The following NKTR variants were observed in gnomAD, a reference collection of about 807,000 sequenced individuals.
NKTR encodes NK-tumor recognition protein.
A neutral mutation model predicts 156.3 loss-of-function variants in NKTR; 67 were observed. That is an observed-to-expected ratio of 0.43 (90% CI 0.35 to 0.53). The LOEUF (loss-of-function observed/expected upper bound fraction) is 0.53. Among genes scored for constraint, NKTR ranks in the 20% least tolerant of loss-of-function variants. NKTR has a pLI of 0.01. For synonymous variants in NKTR, 640 were observed against 596.6 expected, an observed-to-expected ratio of 1.07 and a Z score of -1.06; for missense variants, 1,604 against 1,730.9, an observed-to-expected ratio of 0.93 and a Z score of 1.30.
chr3:42,612,410 A>G (rs913845775), intron 2 of NKTR: 1 of 152,124 alleles, frequency 6.6e-6, no homozygotes, highest in East Asian at 1.9e-4. Flanking sequence ...CATAAAAAAA[A>G]TTTTGCCATT....
At chr3:42,611,233 A>G (rs532618617) in intron 2 of NKTR, 1 of 152,110 alleles carries the variant, frequency 6.6e-6, no homozygotes, top group African/African-American at 2.4e-5. Flanking sequence ...TGCTTGTACT[A>G]TCTGCAGGAA....
intron 16 of NKTR, 132 bp downstream of exon 16, chr3:42,644,135 A>G (rs1710157352): frequency 1.7e-6 from 1 of 580,388 alleles, no homozygotes; most frequent in Non-Finnish European, 3.0e-6. Context: ...TTCTTCCTTT[A>G]AATCTGAACA....
At chr3:42,641,739 G>A (rs766695202) in intron 13 of NKTR, among the ~76,000 whole-genome samples, 9 of 151,990 alleles carry the variant, frequency 5.9e-5, no homozygotes, top group Non-Finnish European at 7.4e-5. Context: ...TTAGCCGGGC[G>A]TGGTAGTGCG....
intron 5 of NKTR, chr3:42,620,020 T>C (rs1707756556): frequency 6.5e-7 from 1 of 1,534,282 alleles, no homozygotes; most frequent in Non-Finnish European, 8.7e-7. Flanking sequence ...TTATAGAGAA[T>C]GTGGTCTTTT....
Position 42,635,248 on chromosome 3 carries a change from T to C in NKTR, c.1045T>C (p.Ser349Pro), listed in dbSNP as rs768796221. The change falls in exon 12 of 17, where the codon TCC becomes CCC. Residue 349 changes from serine to proline, a missense_variant. This residue lies in a region of NKTR where 1,255 missense variants were observed against 1,243.7 expected (regional missense o/e 1.01). Coordinates refer to ENST00000232978, the MANE Select transcript of NKTR (RefSeq NM_005385.4). ...IRYHTPPRSR[S>P]CSESDDDDSS... ...CTATCACACACCTCCAAGATCAAGATCCTGTTCTGAGTCAGATGATGATGA... is the reference window on the plus strand; with the variant it reads ...CTATCACACACCTCCAAGATCAAGACCCTGTTCTGAGTCAGATGATGATGA... The C allele has an allele frequency of 6.2e-7, 1 of 1,613,612 alleles. No homozygotes were observed. Among genetic ancestry groups the C allele is most frequent in the Non-Finnish European group, 8.5e-7 (1 of 1,179,824 alleles).
chr3:42,619,084 T>C lies in NKTR; in HGVS notation c.198T>C (p.Arg66=). 6.2e-7 allele frequency: 1 copy of C among 1,610,674 alleles called. No homozygotes were observed. The highest frequency in any genetic ancestry group is 8.5e-7 in the Non-Finnish European group (1 of 1,178,560). The change falls in exon 4 of 17, where the codon CGT becomes CGC. Residue 66 remains arginine (R), a synonymous_variant. Coordinates refer to ENST00000232978, the MANE Select transcript of NKTR (RefSeq NM_005385.4). ...KLCYKGSTFH[R]VVKNFMIQGG... is the part of the protein sequence containing the mutation. ...GTTATAAAGGTTCTACGTTCCATCG[T>C]GTGGTTAAAAACTTTATGATTCAGG...
intron 5 of NKTR, 67 bp downstream of exon 5, chr3:42,619,775 TTTAATGAGA>T: frequency 6.3e-7 from 1 of 1,588,590 alleles, no homozygotes. Flanking sequence ...ATCATATACT[TTTAATGAGA>T]AGAGGTTTAC....
chr3:42,641,218 G>A (rs184394306), intron 13 of NKTR, among the ~76,000 whole-genome samples: 30 of 152,296 alleles, frequency 2.0e-4, no homozygotes, highest in Non-Finnish European at 4.3e-4. Context: ...GTTACTCATC[G>A]TTCAGTCACC....
In NKTR at chr3:42,637,100, G is replaced by A. The variant is rs1205752556; in HGVS notation, c.1396G>A (p.Glu466Lys). Residue 466 changes from glutamate (E) to lysine (K), a missense_variant, in exon 13 of 17, where the codon GAA (glutamate) becomes AAA (lysine). Physicochemically the swap from Glu to Lys is moderately conservative, Grantham distance 56 (BLOSUM62 1). Around this residue, in one of 6 missense-constraint regions of NKTR, gnomAD observed 1,255 missense variants for 1,243.7 expected, o/e 1.01. Coordinates refer to ENST00000232978, the MANE Select transcript of NKTR (RefSeq NM_005385.4). ...KRRILIPSDIESSKSSTRRMK... is the reference protein window; with the variant it reads ...KRRILIPSDIKSSKSSTRRMK... ...AAGGATTCTTATACCGTCTGACATA[G>A]AATCCTCAAAATCTTCCACTCGAAG... 3 of 1,607,476 alleles carry A rather than the reference G, an allele frequency of 1.9e-6. No homozygotes were observed. The highest frequency in any genetic ancestry group is 2.5e-6 in the Non-Finnish European group (3 of 1,178,148).
intron 3 of NKTR, among the ~76,000 whole-genome samples, chr3:42,618,736 G>A (rs532581788): frequency 2.5e-4 from 38 of 152,218 alleles, no homozygotes; most frequent in African/African-American, 8.9e-4. Context: ...GTGCCATTGC[G>A]CCTGACCTCA....
At chr3:42,613,246 T>C (rs572522586) in intron 2 of NKTR, among the ~76,000 whole-genome samples, 1 of 152,292 alleles carries the variant, frequency 6.6e-6, no homozygotes, top group African/African-American at 2.4e-5. Context: ...TTCTTGAAAC[T>C]TAGGCACTAC....
In NKTR at chr3:42,637,259, T is replaced by C. The variant is rs748630062; in HGVS notation, c.1555T>C (p.Tyr519His). The change falls in exon 13 of 17, where the codon TAC (tyrosine) becomes CAC (histidine). Residue 519 changes from tyrosine (Y) to histidine (H), a missense_variant. By Grantham distance (83) the Tyr-to-His change is moderately conservative. Around this residue, in one of 6 missense-constraint regions of NKTR, gnomAD observed 1,255 missense variants for 1,243.7 expected, o/e 1.01. Coordinates refer to ENST00000232978, the MANE Select transcript of NKTR (RefSeq NM_005385.4). ...SSLTHSSRDS[Y>H]RSKSHSQSYS... ...TTTAACCCATTCCAGCAGAGACTCA[T>C]ACAGATCAAAATCTCACTCACAGTC... The C allele has an allele frequency of 1.9e-6, 3 of 1,613,680 alleles. No individual in the cohort carries two copies. Among genetic ancestry groups the C allele is most frequent in the Non-Finnish European group, 2.5e-6 (3 of 1,179,910 alleles).
At chr3:42,642,470 T>TTA in intron 13 of NKTR, 31 bp from the exon 14 acceptor site, 3 of 1,490,760 alleles carry the variant, frequency 2.0e-6, no homozygotes, top group Non-Finnish European at 2.8e-6. Context: ...GTCAACATAA[T>TTA]TATATATTTT....
intron 2 of NKTR, chr3:42,602,115 A>G (rs1236550950): frequency 1.3e-5 from 2 of 152,222 alleles, no homozygotes. Flanking sequence ...GAGGAGTAGT[A>G]TACAGTCAGG....
Position 42,636,976 on chromosome 3 carries a change from T to A in NKTR, c.1272T>A (p.Ser424=). 6.2e-7 allele frequency: 1 copy of A among 1,612,798 alleles called. No homozygotes were observed. Among genetic ancestry groups the A allele is most frequent in the Non-Finnish European group, 8.5e-7 (1 of 1,179,760 alleles). ...CAGACCTTAGTACAGCAAGACACTC[T>A]GGCCACCATAAAAAACGCAGAAAAG... ...YYSDLSTARH[S]GHHKKRRKEK... is the part of the protein sequence containing the mutation. Residue 424 remains serine (S), a synonymous_variant, in exon 13 of 17, where the codon TCT becomes TCA. Transcript: ENST00000232978.
rs1208235669 is a variant in NKTR, at chr3:42,626,310, CTT to C, written c.375-4235_375-4234del. ...TTCAAGATTTATTACATTCAAAACT[CTT>C]ATAAAGCATTTTGTTCATGGTATAA... On this transcript the variant is annotated intron_variant, in intron 6 of 16. Coordinates refer to ENST00000232978, the MANE Select transcript of NKTR (RefSeq NM_005385.4). 6.6e-5 allele frequency among the ~76,000 whole-genome samples: 10 copies of C among 151,904 alleles called. No individual in the cohort carries two copies. In the East Asian group the frequency reaches 1.9e-3, roughly 29 times the overall value.
intron 2 of NKTR, among the ~76,000 whole-genome samples, 179 bp from the exon 3 acceptor site, chr3:42,617,390 TA>T (rs1559559596): frequency 6.6e-6 from 1 of 152,178 alleles, no homozygotes; most frequent in Non-Finnish European, 1.5e-5. Context: ...CAATAACAAA[TA>T]AAATGGTGTT....
chr3:42,628,867 T>A, intron 6 of NKTR: 1 of 247,242 alleles, frequency 4.0e-6, no homozygotes, highest in Non-Finnish European at 6.4e-6. Context: ...ATGGGCCTGG[T>A]GGCGCATGCC....
chr3:42,639,671 A>G lies in NKTR; in HGVS notation c.3967A>G (p.Thr1323Ala). 6.2e-7 allele frequency: 1 copy of G among 1,614,028 alleles called. No homozygotes were observed. Among genetic ancestry groups the G allele is most frequent in the Non-Finnish European group, 8.5e-7 (1 of 1,179,932 alleles). The change falls in exon 13 of 17, where the codon ACC (threonine) becomes GCC (alanine). Residue 1323 changes from threonine (T) to alanine (A), a missense_variant. Coordinates refer to ENST00000232978, the MANE Select transcript of NKTR (RefSeq NM_005385.4). ...AAGTAGATCTCGAAGTAAATCTGAA[A>G]CCAAATCAAGACACAGAACAAGGTC... ...SPSRSRSKSE[T>A]KSRHRTRSVS...
Sources: gnomAD v4.1 joint callset for allele counts (sites outside exome capture counted in the v4.1 genomes callset) on GRCh38, gnomAD v4.1.1 for gene constraint, gnomAD v4.1.1 regional missense constraint, MANE v1.5 for transcripts, NCBI Gene and HGNC (gene_info 2026-07-23, HGNC 2026-07-21) for gene names.